NPR3: variants seen among roughly 807,000 people sequenced by gnomAD.
The protein encoded by NPR3 is natriuretic peptide receptor 3.
A neutral mutation model predicts 54.5 loss-of-function variants in NPR3; 34 were observed. That is an observed-to-expected ratio of 0.62 (90% CI 0.47 to 0.83). The LOEUF (loss-of-function observed/expected upper bound fraction) is 0.83, where lower values mean the gene tolerates loss of function less well. Ranked by LOEUF, NPR3 falls within the 40% of genes least tolerant of loss-of-function variation. The pLI, the probability that NPR3 is intolerant of heterozygous loss-of-function variation, is 0.00. For missense variants in NPR3, 674 were observed against 720.8 expected (o/e 0.94, Z 0.74); for synonymous variants, 289 against 297.1 (o/e 0.97, Z 0.28).
At chr5:32,692,360 A>G (rs1464997880) in intron 1 of NPR3, among the ~76,000 whole-genome samples, 1 of 152,248 alleles carries the variant, frequency 6.6e-6, no homozygotes, top group Non-Finnish European at 1.5e-5. Context: ...TATTTCTCCC[A>G]GGAAGTTAAT....
At position 32,729,041 on chromosome 5, in the gene NPR3, T is replaced by G. The variant is rs1277278159; in HGVS notation, c.892+4221T>G. Among the ~76,000 whole-genome samples, 525 of 133,866 alleles carry G rather than the reference T, an allele frequency of 3.9e-3. 7 individuals carry two copies. Among genetic ancestry groups the G allele is most frequent in the South Asian group, 6.1e-3 (24 of 3,942 alleles). 87.8% of individuals were successfully genotyped at this position (133,866 alleles called of 152,430 possible). ...TTTTTTTTTTTTTTGTTTTGTTTTT[T>G]TTTTTTGAGACGGAGTCTCGCTCTG... On this transcript the variant is annotated intron_variant, in intron 2 of 7. Transcript: ENST00000265074.
chr5:32,767,210 C>G (rs1228361278), intron 3 of NPR3, among the ~76,000 whole-genome samples: 3 of 152,182 alleles, frequency 2.0e-5, no homozygotes, highest in African/African-American at 7.2e-5. Context: ...GCTGGCTGAA[C>G]AAATGTGTCA....
Position 32,711,413 on chromosome 5 carries a change from C to A in NPR3, c.-364C>A. On this transcript the variant is annotated 5_prime_UTR_variant, in exon 1 of 8. Coordinates refer to ENST00000265074, the MANE Select transcript of NPR3 (RefSeq NM_001204375.2). Reference sequence around the variant, plus strand: ...ACTTTTTTTTTCTTCTACAAAAACGCTTTCAAAAGCAACCTTAGCAACGCC... The same window carrying A: ...ACTTTTTTTTTCTTCTACAAAAACGATTTCAAAAGCAACCTTAGCAACGCC... The A allele has an allele frequency of 9.8e-7, 1 of 1,024,588 alleles. No individual in the cohort carries two copies. The highest frequency in any genetic ancestry group is 4.6e-5 in the South Asian group (1 of 21,638). 63.5% of individuals were successfully genotyped at this position (1,024,588 alleles called of 1,614,324 possible). A position where few individuals can be genotyped will look rare whatever the true frequency, so the allele number is the denominator to read the frequency against.
At position 32,700,283 on chromosome 5, in the gene NPR3, T is replaced by C. The variant is rs528430566; in HGVS notation, c.100+11097T>C. Among the ~76,000 whole-genome samples, 68 of 152,352 alleles carry C rather than the reference T, an allele frequency of 4.5e-4. No homozygotes were observed. In the South Asian group the frequency reaches 0.013, roughly 30 times the overall value. On this transcript the variant is annotated intron_variant, in intron 1 of 5. Transcript: ENST00000509104. ...TGTTATTATCCCTTTGAATAAACTT[T>C]CTGCTGCGTCACTCTCTCTACCTCC...
chr5:32,775,627 C>T (rs1261647005), intron 4 of NPR3, among the ~76,000 whole-genome samples: 2 of 150,924 alleles, frequency 1.3e-5, no homozygotes, highest in African/African-American at 2.4e-5. Context: ...GATGGAGTCT[C>T]GCTCTTGTCG....
At chr5:32,752,649 A>G (rs1211451021) in intron 3 of NPR3, among the ~76,000 whole-genome samples, 2 of 152,198 alleles carry the variant, frequency 1.3e-5, no homozygotes, top group African/African-American at 2.4e-5. Context: ...TGTATTTGAG[A>G]GAATAAAGGT....
intron 3 of NPR3, among the ~76,000 whole-genome samples, chr5:32,766,793 A>G (rs1741493855): frequency 6.6e-6 from 1 of 152,182 alleles, no homozygotes; most frequent in Admixed American, 6.5e-5. Flanking sequence ...TTTAGCTGCT[A>G]TGTGAGGTAG....
intron 4 of NPR3, among the ~76,000 whole-genome samples, chr5:32,775,963 A>G (rs548655770): frequency 6.6e-6 from 1 of 152,342 alleles, no homozygotes; most frequent in African/African-American, 2.4e-5. Flanking sequence ...AGATAAGACT[A>G]TGCTTGGCTA....
Position 32,711,711 on chromosome 5 carries a change from G to A in NPR3, c.-66G>A. On this transcript the variant is annotated 5_prime_UTR_variant, in exon 1 of 8. Transcript: ENST00000265074. ...TGGAGAGAAGAGTGGGGAGGAAAGA[G>A]GAAGGGTGGGTGGGGGGCAGAGGGC... The A allele has an allele frequency of 7.2e-7, 1 of 1,396,150 alleles. No individual in the cohort carries two copies. The highest frequency in any genetic ancestry group is 9.3e-7 in the Non-Finnish European group (1 of 1,077,324). 86.5% of individuals were successfully genotyped at this position (1,396,150 alleles called of 1,614,324 possible). A position where few individuals can be genotyped will look rare whatever the true frequency, so the allele number is the denominator to read the frequency against.
chr5:32,727,818 T>G (rs1739215849), intron 2 of NPR3, among the ~76,000 whole-genome samples: 1 of 152,230 alleles, frequency 6.6e-6, no homozygotes, highest in Non-Finnish European at 1.5e-5. Flanking sequence ...GTTTTGATAG[T>G]TGAACATCCT....
At chr5:32,735,441 T>G (rs1163401022) in intron 2 of NPR3, among the ~76,000 whole-genome samples, 1 of 149,424 alleles carries the variant, frequency 6.7e-6, no homozygotes, top group Non-Finnish European at 1.5e-5. Context: ...TAAAAGTCAA[T>G]GCTTATTGTT....
At chr5:32,770,037 A>G (rs1579688248) in intron 3 of NPR3, among the ~76,000 whole-genome samples, 2 of 152,292 alleles carry the variant, frequency 1.3e-5, no homozygotes, top group Non-Finnish European at 2.9e-5. Flanking sequence ...CTAAAAAAAC[A>G]CTAATAAATC....
chr5:32,693,216 AATAC>A lies in NPR3; in HGVS notation c.100+4036_100+4039del, dbSNP rs1348153327. ...ATGTTCTGAAAATTATGATTTTAGA[AATAC>A]ATACAAATAAATTTGTATATAAATG... On this transcript the variant is annotated intron_variant, in intron 1 of 5. Coordinates refer to the NPR3 transcript ENST00000509104. 1.3e-4 allele frequency among the ~76,000 whole-genome samples: 20 copies of A among 152,354 alleles called. No homozygotes were observed. The East Asian group carries it at 3.1e-3, about 23-fold the overall frequency.
chr5:32,737,372 T>C (rs1489611616), intron 2 of NPR3, among the ~76,000 whole-genome samples: 1 of 152,224 alleles, frequency 6.6e-6, no homozygotes, highest in African/African-American at 2.4e-5. Context: ...CCTTGCATAG[T>C]TCATAGATGT....
chr5:32,697,416 G>A (rs769847821), intron 1 of NPR3, among the ~76,000 whole-genome samples: 13 of 150,832 alleles, frequency 8.6e-5, no homozygotes, highest in Non-Finnish European at 1.8e-4. Context: ...ACCAATGTTC[G>A]TCAGAGATAT....
At position 32,712,468 on chromosome 5, in the gene NPR3, C is replaced by T. The variant is rs1279843711; in HGVS notation, c.692C>T (p.Thr231Met). The T allele has an allele frequency of 3.1e-6, 5 of 1,599,424 alleles. No homozygotes were observed. The highest frequency in any genetic ancestry group is 4.3e-6 in the Non-Finnish European group (5 of 1,174,676). Reference sequence around the variant, plus strand: ...GTCTTCCAGGAGGAGGGTTTGCACACGTCCATCTACAGTTTCGACGAGACC... The same window carrying T: ...GTCTTCCAGGAGGAGGGTTTGCACATGTCCATCTACAGTTTCGACGAGACC... ...HEVFQEEGLHTSIYSFDETKD... is the reference protein window; with the variant it reads ...HEVFQEEGLHMSIYSFDETKD... Residue 231 changes from threonine (T) to methionine (M), a missense_variant, in exon 1 of 8, where the codon ACG (threonine) becomes ATG (methionine). Coordinates refer to ENST00000265074, the MANE Select transcript of NPR3 (RefSeq NM_001204375.2).
chr5:32,711,576 T>TCTTTTTTTTTA lies in NPR3; in HGVS notation c.-201_-200insCTTTTTTTTTA. On this transcript the variant is annotated 5_prime_UTR_variant, in exon 1 of 8. Coordinates refer to ENST00000265074, the MANE Select transcript of NPR3 (RefSeq NM_001204375.2). ...TTTCTTTTTCTTTTTCTTTTTTTTT[T>TCTTTTTTTTTA]AAGAAAAACTAGTGACATTGCAGAG... 1 of 1,240,830 alleles carries TCTTTTTTTTTA rather than the reference T, an allele frequency of 8.1e-7. No homozygotes were observed. The highest frequency in any genetic ancestry group is 1.6e-5 in the African/African-American group (1 of 64,272). The allele number at this position is 1,240,830 out of a possible 1,614,324, so 76.9% of individuals were successfully genotyped here.
chr5:32,745,388 T>C (rs1227055756), intron 3 of NPR3, among the ~76,000 whole-genome samples: 12 of 152,194 alleles, frequency 7.9e-5, no homozygotes, highest in Admixed American at 7.9e-4. Context: ...GTTGCCCATA[T>C]GTACAGTGGC....
At chr5:32,732,059 G>A (rs1739483008) in intron 2 of NPR3, among the ~76,000 whole-genome samples, 1 of 151,756 alleles carries the variant, frequency 6.6e-6, no homozygotes, top group Non-Finnish European at 1.5e-5. Context: ...GGCTAACAAG[G>A]TGAAACCCCG....
Sources: allele counts gnomAD v4.1 joint callset (sites outside exome capture counted in the v4.1 genomes callset), GRCh38; gene constraint gnomAD v4.1.1; transcripts MANE v1.5; gene names NCBI Gene and HGNC (gene_info 2026-07-23, HGNC 2026-07-21).